Variants in GLIS3 observed in about 807,000 individuals in gnomAD.
GLIS3 encodes GLIS family zinc finger 3.
In GLIS3, 53 loss-of-function variants were observed where a neutral mutation model predicts 78.6. The ratio of observed to expected loss-of-function variants is 0.67; its 90% CI spans 0.54 to 0.85. The LOEUF is 0.85. GLIS3 is among the 40% of genes least tolerant of loss of function. The pLI is 0.00. For missense variants in GLIS3, 1,703 were observed against 1,231.1 expected (o/e 1.38, Z -5.74); for synonymous variants, 684 against 509.9 (o/e 1.34, Z -4.60).
intron 4 of GLIS3, chr9:4,054,248 T>A: frequency 1.3e-6 from 1 of 748,592 alleles, no homozygotes; most frequent in East Asian, 1.3e-4. Flanking sequence ...AGAGATCTCA[T>A]CCTTCACGGT....
At chr9:4,160,514 G>A (rs1186061547) in intron 2 of GLIS3, among the ~76,000 whole-genome samples, 5 of 152,192 alleles carry the variant, frequency 3.3e-5, no homozygotes, top group Non-Finnish European at 7.3e-5. Flanking sequence ...AGTGACATGC[G>A]ATACAGGCCT....
chr9:4,252,091 G>C (rs1035348856), intron 2 of GLIS3, among the ~76,000 whole-genome samples: 2 of 152,088 alleles, frequency 1.3e-5, no homozygotes, highest in African/African-American at 2.4e-5. Flanking sequence ...TCTTGGGGTT[G>C]CTCTTCTCAA....
intron 6 of GLIS3, among the ~76,000 whole-genome samples, chr9:3,906,750 C>G (rs1563835851): frequency 6.6e-6 from 1 of 152,288 alleles, no homozygotes; most frequent in East Asian, 1.9e-4. Context: ...GTGCTATACT[C>G]AAGGTACAAA....
At chr9:4,390,395 T>C in the GLIS3 span, among the ~76,000 whole-genome samples, 1 of 152,004 alleles carries the variant, frequency 6.6e-6, no homozygotes, top group East Asian at 1.9e-4. Context: ...AAACAGGGTC[T>C]TGCTCAGCCT....
At chr9:4,322,721 G>A (rs1817552588) in intron 2 of GLIS3, among the ~76,000 whole-genome samples, 1 of 152,186 alleles carries the variant, frequency 6.6e-6, no homozygotes, top group African/African-American at 2.4e-5. Context: ...TTTGAAAAGT[G>A]TCTGCTCTTA....
chr9:4,118,221 G>A lies in GLIS3; in HGVS notation c.1257C>T (p.Gly419=), dbSNP rs773979658. ...ACAGGCCGGCCGACTGGCTGTCGGG[G>A]CCCGGCAGGCCATGCTGCACCACCA... ...NHMVVQHGLP[G]PDSQSAGLFK... is the part of the protein sequence containing the mutation. Residue 419 remains glycine (G), a synonymous_variant, in exon 4 of 11, where the codon GGC becomes GGT. Transcript: ENST00000381971. The surrounding 1 kb of genome is among the most constrained non-coding windows in gnomAD (Gnocchi z 4.7). The A allele has an allele frequency of 1.3e-6, 2 of 1,584,540 alleles. No homozygotes were observed. The highest frequency in any genetic ancestry group is 1.7e-6 in the Non-Finnish European group (2 of 1,165,826).
intron 2 of GLIS3, among the ~76,000 whole-genome samples, chr9:4,259,098 G>A (rs1376411019): frequency 6.6e-6 from 1 of 151,928 alleles, no homozygotes; most frequent in Non-Finnish European, 1.5e-5. Flanking sequence ...TCTAATTAAT[G>A]AAGACCTCAC....
chr9:4,231,880 A>T (rs193291011), intron 2 of GLIS3, among the ~76,000 whole-genome samples: 73 of 152,318 alleles, frequency 4.8e-4, no homozygotes, highest in Middle Eastern at 6.8e-3. Flanking sequence ...GCCTGCAACA[A>T]AGCCAATCAA....
intron 6 of GLIS3, among the ~76,000 whole-genome samples, chr9:3,906,100 A>C (rs1351851884): frequency 2.0e-5 from 3 of 152,212 alleles, no homozygotes; most frequent in African/African-American, 7.2e-5. Flanking sequence ...GAGCAAGAGG[A>C]AGGGTGCAGG....
chr9:4,188,112 A>C (rs771345872), intron 2 of GLIS3, among the ~76,000 whole-genome samples: 1,731 of 151,670 alleles, frequency 0.011, 16 homozygotes, highest in Non-Finnish European at 0.018. Context: ...TTGCCCATTC[A>C]GTATGATATT....
Position 3,825,519 on chromosome 9 carries a change from G to GA in GLIS3, c.*2752dup, listed in dbSNP as rs1817679693. ...TGTGTTTTGTTTCTGTTTTTAAGGG[G>GA]AATGACAATCTCTGTTTGGACATTT... On this transcript the variant is annotated 3_prime_UTR_variant, in exon 11 of 11. Transcript: ENST00000381971. 1 of 151,976 alleles carries GA rather than the reference G, an allele frequency of 6.6e-6. No homozygotes were observed. Among genetic ancestry groups the GA allele is most frequent in the Non-Finnish European group, 1.5e-5 (1 of 68,008 alleles). 9.4% of individuals were successfully genotyped at this position (151,976 alleles called of 1,614,324 possible).
chr9:4,172,312 A>G (rs1816440812), intron 2 of GLIS3, among the ~76,000 whole-genome samples: 2 of 152,136 alleles, frequency 1.3e-5, no homozygotes, highest in African/African-American at 2.4e-5. Context: ...CTCCATTCCT[A>G]AAGGGAAGCA....
intron 9 of GLIS3, among the ~76,000 whole-genome samples, chr9:3,844,162 T>C (rs1818898797): frequency 6.6e-6 from 1 of 152,200 alleles, no homozygotes. Flanking sequence ...TCTAGCATTC[T>C]ATTGTTTTTG....
chr9:4,085,580 A>T (rs1166287397), intron 4 of GLIS3, among the ~76,000 whole-genome samples: 1 of 151,872 alleles, frequency 6.6e-6, no homozygotes, highest in African/African-American at 2.4e-5. Flanking sequence ...TTGACATATT[A>T]TAAATATTTG....
At chr9:4,202,996 T>C (rs187644523) in intron 2 of GLIS3, among the ~76,000 whole-genome samples, 1 of 152,254 alleles carries the variant, frequency 6.6e-6, no homozygotes, top group East Asian at 1.9e-4. Context: ...ACTAAAGAAC[T>C]TCTATACGGC....
intron 2 of GLIS3, among the ~76,000 whole-genome samples, chr9:4,272,520 T>C (rs889702063): frequency 3.2e-4 from 48 of 152,188 alleles, no homozygotes; most frequent in Admixed American, 3.0e-3. Context: ...CCCAAGCCTC[T>C]CTGTTCTCTT....
chr9:3,835,580 A>G (rs1563760506), intron 9 of GLIS3, among the ~76,000 whole-genome samples: 1 of 152,220 alleles, frequency 6.6e-6, no homozygotes, highest in African/African-American at 2.4e-5. Context: ...GACTTTTCAG[A>G]AGAAACAGTG....
intron 4 of GLIS3, among the ~76,000 whole-genome samples, chr9:3,988,241 T>C (rs1377584969): frequency 6.6e-6 from 1 of 152,074 alleles, no homozygotes; most frequent in Non-Finnish European, 1.5e-5. Flanking sequence ...AGAAAAAGAC[T>C]CTGTCACTAG....
At chr9:4,366,660 G>A in the GLIS3 span, among the ~76,000 whole-genome samples, 1 of 152,220 alleles carries the variant, frequency 6.6e-6, no homozygotes, top group Non-Finnish European at 1.5e-5. Context: ...AAGTGATTGC[G>A]ATGGCGACGA....
Sources: gnomAD v4.1 joint callset for allele counts (sites outside exome capture counted in the v4.1 genomes callset) on GRCh38, gnomAD v4.1.1 for gene constraint, Gnocchi (gnomAD v3.1) non-coding constraint, MANE v1.5 for transcripts, NCBI Gene and HGNC (gene_info 2026-07-23, HGNC 2026-07-21) for gene names.